LPCAT2: variants seen among roughly 807,000 people sequenced by gnomAD.
LPCAT2 encodes the protein lysophosphatidylcholine acyltransferase 2, also known as 1-AGP acyltransferase 11.
LPCAT2 carries 58 observed loss-of-function variants against 64.7 expected under a neutral mutation model. The ratio of observed to expected loss-of-function variants is 0.90; its 90% CI spans 0.73 to 1.12. The LOEUF (loss-of-function observed/expected upper bound fraction) is 1.12, where lower values mean the gene tolerates loss of function less well. LPCAT2 is among the 50% of genes most tolerant of loss of function. LPCAT2 has a pLI of 0.00. For missense variants in LPCAT2, 579 were observed against 669.8 expected, an observed-to-expected ratio of 0.86 and a Z score of 1.50; for synonymous variants, 252 against 245.3, an observed-to-expected ratio of 1.03 and a Z score of -0.26.
At chr16:55,525,749 T>A in intron 2 of LPCAT2, 102 bp downstream of exon 2, 1 of 778,808 alleles carries the variant, frequency 1.3e-6, no homozygotes, top group Non-Finnish European at 1.8e-6. Flanking sequence ...GTGATCTAAC[T>A]GCTGTTAGAT....
At chr16:55,513,639 A>G (rs933783279) in intron 1 of LPCAT2, among the ~76,000 whole-genome samples, 13 of 152,176 alleles carry the variant, frequency 8.5e-5, no homozygotes, top group Non-Finnish European at 1.2e-4. Flanking sequence ...GCTTCGTTAC[A>G]GTTTAATTTT....
intron 11 of LPCAT2, chr16:55,567,082 C>A (rs773580049): frequency 6.2e-7 from 1 of 1,613,670 alleles, no homozygotes. Context: ...AAAGTCCTTT[C>A]TAAGCACAAA....
intron 7 of LPCAT2, among the ~76,000 whole-genome samples, chr16:55,536,121 A>G (rs1963320917): frequency 6.6e-6 from 1 of 152,152 alleles, no homozygotes; most frequent in South Asian, 2.1e-4. Context: ...TCATCTACTT[A>G]ATATTATTAG....
At chr16:55,543,821 C>T (rs1267388208) in intron 8 of LPCAT2, among the ~76,000 whole-genome samples, 3 of 152,170 alleles carry the variant, frequency 2.0e-5, no homozygotes, top group Non-Finnish European at 4.4e-5. Context: ...ATGACTTTTC[C>T]AGGATCACAC....
At chr16:55,522,317 C>T (rs947382279) in intron 1 of LPCAT2, among the ~76,000 whole-genome samples, 6 of 151,494 alleles carry the variant, frequency 4.0e-5, no homozygotes, top group Non-Finnish European at 5.9e-5. Flanking sequence ...CAAAATATTG[C>T]TGTGAGAAAT....
At chr16:55,533,407 T>G (rs111876005) in intron 6 of LPCAT2, among the ~76,000 whole-genome samples, 1 of 35,140 alleles carries the variant, frequency 2.8e-5, no homozygotes, top group African/African-American at 1.0e-4. Context: ...GTTTTTCGGG[T>G]TTTTTTTTTT....
intron 13 of LPCAT2, among the ~76,000 whole-genome samples, chr16:55,580,953 C>T (rs529536552): frequency 6.6e-6 from 1 of 152,302 alleles, no homozygotes; most frequent in South Asian, 2.1e-4. Flanking sequence ...TCCCCAATCC[C>T]CTTTACCATC....
chr16:55,530,027 C>A, intron 4 of LPCAT2, 80 bp downstream of exon 4: 1 of 1,014,986 alleles, frequency 9.9e-7, no homozygotes, highest in Non-Finnish European at 1.5e-6. Context: ...TTTGGATCCA[C>A]AGATAGCAAT....
chr16:55,526,811 T>C (rs1398384636), intron 2 of LPCAT2, among the ~76,000 whole-genome samples: 1 of 152,202 alleles, frequency 6.6e-6, no homozygotes, highest in East Asian at 1.9e-4. Flanking sequence ...ATAATAAATG[T>C]TAGAAAAGAA....
At chr16:55,553,352 C>G (rs1297820858) in intron 11 of LPCAT2, among the ~76,000 whole-genome samples, 2 of 152,222 alleles carry the variant, frequency 1.3e-5, no homozygotes, top group African/African-American at 4.8e-5. Context: ...GCTTTATCAA[C>G]TAAGTTCATG....
At chr16:55,552,442 T>C (rs141087923) in intron 11 of LPCAT2, among the ~76,000 whole-genome samples, 25 of 152,340 alleles carry the variant, frequency 1.6e-4, no homozygotes, top group Non-Finnish European at 3.1e-4. Context: ...AATGTAGGTT[T>C]TCATTTCATT....
intron 11 of LPCAT2, among the ~76,000 whole-genome samples, chr16:55,554,107 T>C (rs1211322429): frequency 6.6e-6 from 1 of 152,094 alleles, no homozygotes; most frequent in Non-Finnish European, 1.5e-5. Flanking sequence ...ACAGAGTAGA[T>C]TTAACATAAT....
chr16:55,519,517 AAAG>A lies in LPCAT2; in HGVS notation c.172-5988_172-5986del, dbSNP rs1217989616. On this transcript the variant is annotated intron_variant, in intron 1 of 13. Coordinates refer to ENST00000262134, the MANE Select transcript of LPCAT2 (RefSeq NM_017839.5). ...GAGCGAGACTCCATCACAAAAAAAAAAAGAAAGAAAGAAGAGAAATGGTAAAGA... is the reference window on the plus strand; with the variant it reads ...GAGCGAGACTCCATCACAAAAAAAAAAAAGAAAGAAGAGAAATGGTAAAGA... Among the ~76,000 whole-genome samples, 370 of 151,474 alleles carry A rather than the reference AAAG, an allele frequency of 2.4e-3. 6 individuals are homozygous for A. Among genetic ancestry groups the A allele is most frequent in the African/African-American group, 8.4e-3 (348 of 41,336 alleles).
intron 8 of LPCAT2, chr16:55,539,180 T>C (rs1277296140): frequency 6.6e-6 from 1 of 151,988 alleles, no homozygotes; most frequent in Non-Finnish European, 1.5e-5. Flanking sequence ...AACAGAGGTA[T>C]TCAGATTCCT....
intron 1 of LPCAT2, among the ~76,000 whole-genome samples, chr16:55,521,368 A>G (rs1022059090): frequency 6.6e-6 from 1 of 151,824 alleles, no homozygotes; most frequent in Non-Finnish European, 1.5e-5. Flanking sequence ...ACGTTTCGCC[A>G]AGATTATTTT....
At chr16:55,524,819 C>G (rs1330855289) in intron 1 of LPCAT2, among the ~76,000 whole-genome samples, 2 of 151,944 alleles carry the variant, frequency 1.3e-5, no homozygotes, top group Non-Finnish European at 2.9e-5. Flanking sequence ...TGATCTTAAG[C>G]AATTTAACTC....
intron 2 of LPCAT2, among the ~76,000 whole-genome samples, chr16:55,527,997 T>C (rs1349165283): frequency 2.6e-5 from 4 of 152,208 alleles, no homozygotes; most frequent in African/African-American, 7.2e-5. Context: ...CAGTAGGGGA[T>C]GTGTGTTGAG....
At chr16:55,520,959 A>G (rs1255958018) in intron 1 of LPCAT2, among the ~76,000 whole-genome samples, 1 of 151,898 alleles carries the variant, frequency 6.6e-6, no homozygotes, top group Non-Finnish European at 1.5e-5. Flanking sequence ...AGAACAAATT[A>G]AACACAAAGT....
chr16:55,524,773 A>C (rs74021210), intron 1 of LPCAT2, among the ~76,000 whole-genome samples: 4,382 of 152,108 alleles, frequency 0.029, 116 homozygotes, highest in African/African-American at 0.065. Flanking sequence ...CAAACTTTAT[A>C]ACCAAACTAA....
Sources: allele counts gnomAD v4.1 joint callset (sites outside exome capture counted in the v4.1 genomes callset), GRCh38; gene constraint gnomAD v4.1.1; transcripts MANE v1.5; gene names NCBI Gene and HGNC (gene_info 2026-07-23, HGNC 2026-07-21).